PDHA1: variants seen among roughly 807,000 people sequenced by gnomAD.
PDHA1 encodes the protein pyruvate dehydrogenase E1 subunit alpha 1, also known as pyruvate dehydrogenase E1 component subunit alpha, somatic form, mitochondrial.
In PDHA1, 1 loss-of-function variant was observed where a neutral mutation model predicts 33.0. The ratio of observed to expected loss-of-function variants is 0.03; its 90% CI spans 0.01 to 0.14. The LOEUF is 0.14. Among genes scored for constraint, PDHA1 ranks in the 10% least tolerant of loss-of-function variants. The pLI is 1.00. For synonymous variants in PDHA1, 123 were observed against 119.2 expected (o/e 1.03, Z -0.21); for missense variants, 168 against 325.1 (o/e 0.52, Z 3.72).
In PDHA1 at chrX:19,360,866, G is replaced by C; in HGVS notation, c.*1213G>C. 9.2e-7 allele frequency: 1 copy of C among 1,084,293 alleles called. No individual in the cohort carries two copies. Among genetic ancestry groups the C allele is most frequent in the Non-Finnish European group, 1.3e-6 (1 of 795,039 alleles). 89.4% of individuals were successfully genotyped at this position (1,084,293 alleles called of 1,213,427 possible). A position where few individuals can be genotyped will look rare whatever the true frequency, so the allele number is the denominator to read the frequency against. ...ACAAACACAGCTGTCTTCAGAGTCA[G>C]TGCTTCAAGCCAACAGAGCTTAAAA... On this transcript the variant is annotated 3_prime_UTR_variant, in exon 11 of 11. Coordinates refer to ENST00000422285, the MANE Select transcript of PDHA1 (RefSeq NM_000284.4).
rs141480332 is a variant in PDHA1 at position 19,358,651 on chromosome X, T to C, written c.900-265T>C. On this transcript the variant is annotated intron_variant, in intron 9 of 10. Transcript: ENST00000422285. ...TGTTGTCGGAATGCCAGGGAAGCCATGTGACTCACCAGTGTACGGTTTTCT... is the reference window on the plus strand; with the variant it reads ...TGTTGTCGGAATGCCAGGGAAGCCACGTGACTCACCAGTGTACGGTTTTCT... Among the ~76,000 whole-genome samples the C allele has an allele frequency of 0.014, 1,617 of 111,974 alleles. 24 individuals carry two copies. Among genetic ancestry groups the C allele is most frequent in the African/African-American group, 0.048 (1,473 of 30,828 alleles).
At position 19,359,545 on chromosome X, in the gene PDHA1, C is replaced by A. The variant is rs749696135; in HGVS notation, c.1065C>A (p.Ala355=). 1 of 1,209,659 alleles carries A rather than the reference C, an allele frequency of 8.3e-7. No individual in the cohort carries two copies. Among genetic ancestry groups the A allele is most frequent in the East Asian group, 3.0e-5 (1 of 33,812 alleles). The part of the protein sequence containing the change: ...EIEDAAQFAT[A]DPEPPLEELG... The stretch of plus-strand genomic sequence containing the variant: ...AGGATGCTGCCCAGTTTGCCACGGC[C>A]GATCCTGAGCCACCTTTGGAAGAGC... The change falls in exon 11 of 11, where the codon GCC becomes GCA. Residue 355 remains alanine, a synonymous_variant. Transcript: ENST00000422285.
In PDHA1 at chrX:19,358,577, C is replaced by T. The variant is rs5955759; in HGVS notation, c.900-339C>T. Among the ~76,000 whole-genome samples, 7,776 of 111,307 alleles carry T rather than the reference C, an allele frequency of 0.07. 439 individuals carry two copies. The highest frequency in any genetic ancestry group is 0.18 in the African/African-American group (5,451 of 30,522). On this transcript the variant is annotated intron_variant, in intron 9 of 10. Transcript: ENST00000422285. ...CAAATGGGTGGGACAAGTGACACTT[C>T]TTTAGAACCTTACATCTAAATCAAA...
chrX:19,354,669 T>C (rs1382203602), intron 6 of PDHA1, 86 bp downstream of exon 6: 1 of 654,543 alleles, frequency 1.5e-6, no homozygotes, highest in Non-Finnish European at 2.6e-6. Flanking sequence ...AAGTAGCATA[T>C]TGCTTATTAG....
chrX:19,345,133 C>T (rs769269525), intron 1 of PDHA1, among the ~76,000 whole-genome samples: 2 of 111,250 alleles, frequency 1.8e-5, no homozygotes, highest in African/African-American at 3.3e-5. Context: ...CCCCCCTAGG[C>T]ACAGTGAGGT....
At position 19,360,650 on chromosome X, in the gene PDHA1, A is replaced by T; in HGVS notation, c.*997A>T. 1 of 621,029 alleles carries T rather than the reference A, an allele frequency of 1.6e-6. No homozygotes were observed. Among genetic ancestry groups the T allele is most frequent in the Non-Finnish European group, 2.6e-6 (1 of 388,394 alleles). 51.2% of individuals were successfully genotyped at this position (621,029 alleles called of 1,213,427 possible). ...CTATTAATTGAACAATGGCATTTTTAAATATGTAAACACAGCGGAATTCGT... is the reference window on the plus strand; with the variant it reads ...CTATTAATTGAACAATGGCATTTTTTAATATGTAAACACAGCGGAATTCGT... On this transcript the variant is annotated 3_prime_UTR_variant, in exon 11 of 11. Coordinates refer to ENST00000422285, the MANE Select transcript of PDHA1 (RefSeq NM_000284.4).
At position 19,360,033 on chromosome X, in the gene PDHA1, C is replaced by T; in HGVS notation, c.*380C>T. On this transcript the variant is annotated 3_prime_UTR_variant, in exon 11 of 11. Coordinates refer to ENST00000422285, the MANE Select transcript of PDHA1 (RefSeq NM_000284.4). ...CCCACCCCGAGCAGCGCTGGTGCTG[C>T]AGCCTGTTCGCGCTGACCATTTCTC... The T allele has an allele frequency of 4.1e-6, 1 of 241,810 alleles. No homozygotes were observed. Among genetic ancestry groups the T allele is most frequent in the Non-Finnish European group, 7.2e-6 (1 of 138,836 alleles). 19.9% of individuals were successfully genotyped at this position (241,810 alleles called of 1,213,427 possible).
chrX:19,346,499 T>A, intron 1 of PDHA1: 1 of 455,606 alleles, frequency 2.2e-6, no homozygotes. Context: ...AAAAAATTTT[T>A]TTTTTACTAG....
intron 10 of PDHA1, 96 bp downstream of exon 10, chrX:19,359,120 A>G: frequency 1.8e-6 from 1 of 554,268 alleles, no homozygotes; most frequent in Admixed American, 2.5e-5. Flanking sequence ...CAAGCCCAGA[A>G]AGTGATGTCC....
Position 19,360,224 on chromosome X carries a change from T to TAACTA in PDHA1, c.*572_*576dup, listed in dbSNP as rs2063265418. On this transcript the variant is annotated 3_prime_UTR_variant, in exon 11 of 11. Coordinates refer to ENST00000422285, the MANE Select transcript of PDHA1 (RefSeq NM_000284.4). ...GCTATTTTCTGTTCATATCAAACAT[T>TAACTA]AACTACAAGGCACATTCGTATCAGT... 7.4e-6 allele frequency: 1 copy of TAACTA among 135,807 alleles called. No individual in the cohort carries two copies. The highest frequency in any genetic ancestry group is 8.0e-5 in the Admixed American group (1 of 12,529). The allele number at this position is 135,807 out of a possible 1,213,427, so 11.2% of individuals were successfully genotyped here.
chrX:19,359,140 A>AATAGTTCC (rs761758246), intron 10 of PDHA1, 116 bp downstream of exon 10: 98 of 526,032 alleles, frequency 1.9e-4, no homozygotes, highest in Middle Eastern at 6.3e-4. Flanking sequence ...CTGGGACATA[A>AATAGTTCC]ATAGTTCCAT....
intron 4 of PDHA1, 47 bp downstream of exon 4, chrX:19,351,454 T>C: frequency 9.4e-7 from 1 of 1,065,261 alleles, no homozygotes. Context: ...ATTAAGTTTT[T>C]AAATATCTGT....
In PDHA1 at chrX:19,361,445, G is replaced by A. The variant is rs781550393; in HGVS notation, c.*1792G>A. 1 of 1,186,245 alleles carries A rather than the reference G, an allele frequency of 8.4e-7. No homozygotes were observed. Among genetic ancestry groups the A allele is most frequent in the Non-Finnish European group, 1.1e-6 (1 of 874,005 alleles). On this transcript the variant is annotated 3_prime_UTR_variant, in exon 11 of 11. Transcript: ENST00000422285. ...AACAAAGATCAGATCCTTAAGAGCTGAGCAGCTGTGTAACAACAGCATAAG... is the reference window on the plus strand; with the variant it reads ...AACAAAGATCAGATCCTTAAGAGCTAAGCAGCTGTGTAACAACAGCATAAG...
chrX:19,353,220 C>G, intron 5 of PDHA1, 47 bp downstream of exon 5: 1 of 1,040,061 alleles, frequency 9.6e-7, no homozygotes, highest in Non-Finnish European at 1.4e-6. Flanking sequence ...TGGCCCTGGA[C>G]TTTGTCTTCA....
In PDHA1 at chrX:19,360,132, TTTTGTAATCATTTCAAA is replaced by T. The variant is rs1430710716; in HGVS notation, c.*480_*496del. On this transcript the variant is annotated 3_prime_UTR_variant, in exon 11 of 11. Transcript: ENST00000422285. ...AATAAGACTTTTGTAATCATTCCAA[TTTTGTAATCATTTCAAA>T]GGCCACATAACTTAGTTTTCTCTAC... The T allele has an allele frequency of 5.2e-5, 8 of 154,340 alleles. No individual in the cohort carries two copies. Among genetic ancestry groups the T allele is most frequent in the Admixed American group, 7.6e-5 (1 of 13,089 alleles). 12.7% of individuals were successfully genotyped at this position (154,340 alleles called of 1,213,427 possible).
intron 7 of PDHA1, 58 bp downstream of exon 7, chrX:19,355,562 G>A (rs2063191174): frequency 9.5e-6 from 11 of 1,161,410 alleles, no homozygotes; most frequent in Non-Finnish European, 1.3e-5. Flanking sequence ...ATGTCCTTGT[G>A]CAGACCCTTG....
intron 8 of PDHA1, chrX:19,357,383 A>G (rs2063210125): frequency 2.7e-6 from 1 of 368,250 alleles, no homozygotes; most frequent in Non-Finnish European, 4.8e-6. Flanking sequence ...GGCATGAGCC[A>G]CCATGCCTGG....
intron 1 of PDHA1, 41 bp from the exon 2 acceptor site, chrX:19,349,271 T>A (rs771344366): frequency 1.1e-6 from 1 of 937,334 alleles, no homozygotes; most frequent in South Asian, 2.0e-5. Flanking sequence ...TAGCTGACAA[T>A]TAAAAAGTAC....
In PDHA1 at chrX:19,357,240, G is replaced by A. The variant is rs145802629; in HGVS notation, c.832-412G>A. On this transcript the variant is annotated intron_variant, in intron 8 of 10. Coordinates refer to ENST00000422285, the MANE Select transcript of PDHA1 (RefSeq NM_000284.4). ...CTCCCAAGTAGCTGGGACTACAGGCGCACGCCACCATGCCTGGCTAATTTT... is the reference window on the plus strand; with the variant it reads ...CTCCCAAGTAGCTGGGACTACAGGCACACGCCACCATGCCTGGCTAATTTT... 939 of 216,595 alleles carry A rather than the reference G, an allele frequency of 4.3e-3. 5 individuals are homozygous for A. The highest frequency in any genetic ancestry group is 0.024 in the African/African-American group (814 of 34,163). The allele number at this position is 216,595 out of a possible 1,213,427, so 17.8% of individuals were successfully genotyped here. A position where few individuals can be genotyped will look rare whatever the true frequency, so the allele number is the denominator to read the frequency against.
Sources: allele counts gnomAD v4.1 joint callset (sites outside exome capture counted in the v4.1 genomes callset), GRCh38; gene constraint gnomAD v4.1.1; transcripts MANE v1.5; gene names NCBI Gene and HGNC (gene_info 2026-07-23, HGNC 2026-07-21).